The following SLC39A8 variants were observed in gnomAD, a reference collection of about 807,000 sequenced individuals.
SLC39A8 encodes the protein solute carrier family 39 member 8, also known as metal cation symporter ZIP8.
In SLC39A8, 15 loss-of-function variants were observed where a neutral mutation model predicts 40.4. The observed-to-expected ratio is 0.37, with a 90% confidence interval of 0.25 to 0.57. The LOEUF is 0.57. SLC39A8 is among the 20% of genes least tolerant of loss of function. SLC39A8 has a pLI of 0.75. For synonymous variants in SLC39A8, 223 were observed against 221.6 expected (o/e 1.01, Z -0.06); for missense variants, 472 against 558.8 (o/e 0.84, Z 1.57).
exon 12 of SLC39A8, chr4:102,253,389 T>C (rs1731637207): frequency 1.4e-6 from 1 of 715,768 alleles, no homozygotes; most frequent in Admixed American, 2.0e-5. Flanking sequence ...ATTGCAGAGA[T>C]GTGGAGGTGA....
chr4:102,321,905 C>T (rs1479890004), intron 2 of SLC39A8, among the ~76,000 whole-genome samples: 1 of 152,166 alleles, frequency 6.6e-6, no homozygotes, highest in Non-Finnish European at 1.5e-5. Context: ...AATGCATACA[C>T]GATTTGTGCA....
At chr4:102,301,595 A>G (rs547775158) in intron 6 of SLC39A8, among the ~76,000 whole-genome samples, 5 of 152,190 alleles carry the variant, frequency 3.3e-5, no homozygotes, top group South Asian at 4.1e-4. Flanking sequence ...ATGAACAGGA[A>G]CTCAATAAAT....
exon 12 of SLC39A8, chr4:102,251,500 T>C (rs1731589955): frequency 6.6e-6 from 1 of 152,184 alleles, no homozygotes; most frequent in African/African-American, 2.4e-5. Flanking sequence ...ACTCGACCTC[T>C]GTCCTCTTAG....
intron 11 of SLC39A8, among the ~76,000 whole-genome samples, chr4:102,254,925 C>G (rs1301882586): frequency 1.3e-5 from 2 of 152,166 alleles, no homozygotes; most frequent in African/African-American, 2.4e-5. Flanking sequence ...TAGTTACCCT[C>G]TCATAGTTGT....
intron 8 of SLC39A8, among the ~76,000 whole-genome samples, chr4:102,266,455 C>A (rs151400): frequency 0.77 from 116,449 of 152,094 alleles, 44,888 homozygotes; most frequent in African/African-American, 0.8. Context: ...AAATAAAAAA[C>A]TCAAATTATT....
rs1175390754 is a variant in SLC39A8 at position 102,300,725 on chromosome 4, G to GAGTT, written c.840+3588_840+3591dup. On this transcript the variant is annotated intron_variant, in intron 6 of 8. Transcript: ENST00000356736. ...ATACTTGTAACTCAAATTGAACCCT[G>GAGTT]AGTTATATTATCATGTTCAATCCTT... 7.9e-5 allele frequency among the ~76,000 whole-genome samples: 12 copies of GAGTT among 151,944 alleles called. 1 individual carries two copies. Among genetic ancestry groups the GAGTT allele is most frequent in the African/African-American group, 2.9e-4 (12 of 41,488 alleles).
chr4:102,318,987 A>G (rs72926703), intron 2 of SLC39A8, among the ~76,000 whole-genome samples: 3,100 of 152,266 alleles, frequency 0.02, 94 homozygotes, highest in African/African-American at 0.07. Flanking sequence ...TTTGAAGTTA[A>G]GCTCCTATTC....
chr4:102,274,098 G>A (rs532156094), intron 6 of SLC39A8, among the ~76,000 whole-genome samples: 42 of 152,296 alleles, frequency 2.8e-4, no homozygotes, highest in African/African-American at 9.1e-4. Context: ...CGGAGAATAA[G>A]TTTGACAAAT....
At chr4:102,329,259 A>G (rs900589344) in intron 2 of SLC39A8, among the ~76,000 whole-genome samples, 3 of 152,122 alleles carry the variant, frequency 2.0e-5, no homozygotes, top group Non-Finnish European at 4.4e-5. Flanking sequence ...CCAGGCAAAT[A>G]GTTTAGAGTT....
chr4:102,312,212 T>C (rs951097249), intron 3 of SLC39A8, among the ~76,000 whole-genome samples: 1 of 152,020 alleles, frequency 6.6e-6, no homozygotes, highest in African/African-American at 2.4e-5. Flanking sequence ...CTTAGATGAG[T>C]AGTAACAAGC....
chr4:102,296,972 C>T (rs1003361213), intron 6 of SLC39A8, among the ~76,000 whole-genome samples: 6 of 152,086 alleles, frequency 3.9e-5, no homozygotes, highest in Admixed American at 1.3e-4. Flanking sequence ...TTGTGGCCCA[C>T]GCCTGTAGTC....
In SLC39A8 at chr4:102,267,622, T is replaced by C. The variant is rs370877228; in HGVS notation, c.1101A>G (p.Leu367=). ...AGGAACATGCAGAAAGGAAGTTGAA[T>C]AGCAAGGCTTGTCGAGTGCTCATCC... ...NAGMSTRQAL[L]FNFLSACSCY... is the part of the protein sequence containing the mutation. The change falls in exon 8 of 9, where the codon CTA becomes CTG. Residue 367 remains leucine, a synonymous_variant. Transcript: ENST00000356736. The C allele has an allele frequency of 2.5e-6, 4 of 1,613,484 alleles. No individual in the cohort carries two copies. The highest frequency in any genetic ancestry group is 1.7e-5 in the Admixed American group (1 of 59,908).
chr4:102,289,756 TG>T (rs1489067909), intron 6 of SLC39A8, among the ~76,000 whole-genome samples: 1 of 152,130 alleles, frequency 6.6e-6, no homozygotes, highest in African/African-American at 2.4e-5. Flanking sequence ...AGCTTGAAGA[TG>T]GAAGTGAATT....
Position 102,295,374 on chromosome 4 carries a change from G to A in SLC39A8, c.840+8943C>T, listed in dbSNP as rs994073692. ...TAAATGTTTATCACACAATTAATGAGAATGTTATCTTTTCATATGGATATC... is the reference window on the plus strand; with the variant it reads ...TAAATGTTTATCACACAATTAATGAAAATGTTATCTTTTCATATGGATATC... On this transcript the variant is annotated intron_variant, in intron 6 of 8. Transcript: ENST00000356736. 2.0e-5 allele frequency among the ~76,000 whole-genome samples: 3 copies of A among 151,902 alleles called. No individual in the cohort carries two copies. The South Asian group carries it at 6.2e-4, about 31-fold the overall frequency.
rs559130667 is a variant in SLC39A8, at chr4:102,305,351, T to C, written c.553-240A>G. ...CTCATTAAATAAAGCCACCAGAGAA[T>C]CTTACAGTTTCCCACCTATAACACC... On this transcript the variant is annotated intron_variant, in intron 4 of 8. Transcript: ENST00000356736. Among the ~76,000 whole-genome samples, 7 of 152,036 alleles carry C rather than the reference T, an allele frequency of 4.6e-5. No individual in the cohort carries two copies. The South Asian group carries it at 1.5e-3, about 32-fold the overall frequency.
intron 2 of SLC39A8, among the ~76,000 whole-genome samples, chr4:102,331,561 A>C (rs1208448139): frequency 1.3e-5 from 2 of 152,218 alleles, no homozygotes; most frequent in Non-Finnish European, 2.9e-5. Flanking sequence ...GGATAGGAAG[A>C]ATCAATATCA....
Position 102,344,717 on chromosome 4 carries a change from C to T in SLC39A8, c.-55G>A. 7.3e-7 allele frequency: 1 copy of T among 1,376,582 alleles called. No homozygotes were observed. The highest frequency in any genetic ancestry group is 9.3e-7 in the Non-Finnish European group (1 of 1,073,076). The allele number at this position is 1,376,582 out of a possible 1,614,324, so 85.3% of individuals were successfully genotyped here. A position where few individuals can be genotyped will look rare whatever the true frequency, so the allele number is the denominator to read the frequency against. ...CGACGGGCTGCCGCGCAGAGGGACGCGCGCGGGCGCACTGGCGTCCTTGCC... is the reference window on the plus strand; with the variant it reads ...CGACGGGCTGCCGCGCAGAGGGACGTGCGCGGGCGCACTGGCGTCCTTGCC... On this transcript the variant is annotated 5_prime_UTR_variant, in exon 2 of 9. Coordinates refer to ENST00000356736, the MANE Select transcript of SLC39A8 (RefSeq NM_001135146.2).
intron 8 of SLC39A8, among the ~76,000 whole-genome samples, chr4:102,266,511 T>G (rs1038016290): frequency 6.6e-6 from 1 of 152,186 alleles, no homozygotes; most frequent in Non-Finnish European, 1.5e-5. Flanking sequence ...AAAGAAATAG[T>G]CCTTGATTTT....
chr4:102,284,131 G>A lies in SLC39A8; in HGVS notation c.841-16052C>T, dbSNP rs111627300. Among the ~76,000 whole-genome samples the A allele has an allele frequency of 6.9e-3, 1,048 of 152,098 alleles. 16 individuals carry two copies. The highest frequency in any genetic ancestry group is 0.024 in the African/African-American group (1,000 of 41,494). ...GTATTTTATGTGTATAAATGTATGG[G>A]GTACAACTATAATTTTGTTACATGT... On this transcript the variant is annotated intron_variant, in intron 6 of 8. Coordinates refer to ENST00000356736, the MANE Select transcript of SLC39A8 (RefSeq NM_001135146.2).
Sources: allele counts gnomAD v4.1 joint callset (sites outside exome capture counted in the v4.1 genomes callset), GRCh38; gene constraint gnomAD v4.1.1; transcripts MANE v1.5; gene names NCBI Gene and HGNC (gene_info 2026-07-23, HGNC 2026-07-21).